SLC38A1: variants seen among roughly 807,000 people sequenced by gnomAD.
SLC38A1 encodes the protein sodium-coupled neutral amino acid symporter 1.
Under a neutral mutation model 60.3 loss-of-function variants are expected in SLC38A1, and 18 were observed. The ratio of observed to expected loss-of-function variants is 0.30; its 90% CI spans 0.21 to 0.44. The LOEUF is 0.44. Among genes scored for constraint, SLC38A1 ranks in the 20% least tolerant of loss-of-function variants. The pLI is 1.00. For synonymous variants in SLC38A1, 196 were observed against 212.1 expected (o/e 0.92, Z 0.66); for missense variants, 448 against 587.2 (o/e 0.76, Z 2.45).
chr12:46,225,302 C>T (rs182577410), intron 5 of SLC38A1, among the ~76,000 whole-genome samples: 39 of 152,252 alleles, frequency 2.6e-4, no homozygotes, highest in Non-Finnish European at 4.1e-4. Flanking sequence ...GCTAGATTCC[C>T]CAGACCAGGT....
intron 9 of SLC38A1, among the ~76,000 whole-genome samples, chr12:46,204,884 GA>G (rs1202619070): frequency 6.6e-6 from 1 of 152,180 alleles, no homozygotes; most frequent in Non-Finnish European, 1.5e-5. Flanking sequence ...CAGATTCCCA[GA>G]ATCCAGCAGA....
chr12:46,255,349 A>G (rs1592152424), intron 1 of SLC38A1, among the ~76,000 whole-genome samples: 2 of 152,344 alleles, frequency 1.3e-5, no homozygotes, highest in East Asian at 1.9e-4. Context: ...TTTTTCCTCT[A>G]AGAAAAACCT....
At position 46,203,003 on chromosome 12, in the gene SLC38A1, T is replaced by C. The variant is rs779974012; in HGVS notation, c.902+7A>G. Reference sequence around the variant, plus strand: ...GATTAAGATAAAAAATTAAACAAATTTCTTACTCTTTAAGCTCACTGTAAA... The same window carrying C: ...GATTAAGATAAAAAATTAAACAAATCTCTTACTCTTTAAGCTCACTGTAAA... On this transcript the variant is annotated splice_region_variant and intron_variant, in intron 12 of 16. Coordinates refer to ENST00000398637, the MANE Select transcript of SLC38A1 (RefSeq NM_030674.4). 6.2e-7 allele frequency: 1 copy of C among 1,607,980 alleles called. No homozygotes were observed. The highest frequency in any genetic ancestry group is 8.5e-7 in the Non-Finnish European group (1 of 1,176,274).
chr12:46,223,133 G>A (rs1336323393), intron 5 of SLC38A1, among the ~76,000 whole-genome samples: 2 of 152,278 alleles, frequency 1.3e-5, no homozygotes, highest in African/African-American at 4.8e-5. Context: ...CACCAAAGGC[G>A]GTATGGTGTT....
intron 1 of SLC38A1, among the ~76,000 whole-genome samples, chr12:46,246,903 A>G (rs962766271): frequency 1.3e-5 from 2 of 152,220 alleles, no homozygotes; most frequent in Non-Finnish European, 2.9e-5. Context: ...TCTGGAAAGA[A>G]CCTCCAGCAA....
intron 13 of SLC38A1, among the ~76,000 whole-genome samples, chr12:46,200,299 TGAG>T (rs1027880089): frequency 2.6e-5 from 4 of 152,124 alleles, no homozygotes; most frequent in African/African-American, 7.2e-5. Context: ...TGTTTAATTT[TGAG>T]ACATTTGTGT....
At chr12:46,207,086 A>G in intron 8 of SLC38A1, 69 bp downstream of exon 8, 2 of 1,072,114 alleles carry the variant, frequency 1.9e-6, no homozygotes, top group East Asian at 2.7e-5. Flanking sequence ...ACAAGCAAGA[A>G]TTTTGATTGG....
intron 2 of SLC38A1, among the ~76,000 whole-genome samples, chr12:46,241,205 T>C (rs961817376): frequency 6.6e-6 from 1 of 152,236 alleles, no homozygotes; most frequent in South Asian, 2.1e-4. Flanking sequence ...TTTTGAATTT[T>C]GTCTGATCCT....
intron 11 of SLC38A1, among the ~76,000 whole-genome samples, chr12:46,203,874 T>G (rs1459316208): frequency 6.6e-6 from 1 of 152,214 alleles, no homozygotes; most frequent in Non-Finnish European, 1.5e-5. Context: ...ATCCTCTGTT[T>G]CCCATTGTAT....
chr12:46,266,005 G>T (rs1260182237), intron 1 of SLC38A1, among the ~76,000 whole-genome samples: 2 of 152,214 alleles, frequency 1.3e-5, no homozygotes, highest in African/African-American at 4.8e-5. Flanking sequence ...ACTGCTCAAA[G>T]TGGGAAGGGC....
intron 1 of SLC38A1, among the ~76,000 whole-genome samples, chr12:46,249,863 A>C (rs1231535973): frequency 1.3e-5 from 2 of 152,216 alleles, no homozygotes; most frequent in Non-Finnish European, 2.9e-5. Flanking sequence ...ACCAAGTAAA[A>C]GAAGTCCAGG....
At chr12:46,227,224 A>G (rs1940902779) in intron 5 of SLC38A1, among the ~76,000 whole-genome samples, 1 of 152,228 alleles carries the variant, frequency 6.6e-6, no homozygotes, top group South Asian at 2.1e-4. Flanking sequence ...AATCAAAGGT[A>G]AAAGTAGAAT....
At chr12:46,236,228 G>T (rs1255021688) in intron 3 of SLC38A1, among the ~76,000 whole-genome samples, 1 of 152,014 alleles carries the variant, frequency 6.6e-6, no homozygotes, top group Non-Finnish European at 1.5e-5. Context: ...TTATGCCAGG[G>T]GTTGCAATTT....
chr12:46,237,010 A>G (rs1158852463), intron 3 of SLC38A1, among the ~76,000 whole-genome samples: 1 of 152,268 alleles, frequency 6.6e-6, no homozygotes, highest in Non-Finnish European at 1.5e-5. Flanking sequence ...CTGAACTGGA[A>G]TAACGGCAGA....
chr12:46,244,346 A>AC (rs1257223940), intron 1 of SLC38A1, among the ~76,000 whole-genome samples: 1 of 152,196 alleles, frequency 6.6e-6, no homozygotes, highest in East Asian at 1.9e-4. Context: ...CTAATTGCTA[A>AC]CACTTTGTGG....
rs76861520 is a variant in SLC38A1, at chr12:46,259,447, A to G, written c.-209+9079T>C. Among the ~76,000 whole-genome samples the G allele has an allele frequency of 8.6e-3, 1,310 of 152,354 alleles. 26 individuals are homozygous for G. The highest frequency in any genetic ancestry group is 0.03 in the African/African-American group (1,255 of 41,572). On this transcript the variant is annotated intron_variant, in intron 1 of 16. Transcript: ENST00000398637. Reference sequence around the variant, plus strand: ...TCCTAAATTTGATTGGCAATTTTATATACCTTTGAGTAATAAAAATGGGAA... The same window carrying G: ...TCCTAAATTTGATTGGCAATTTTATGTACCTTTGAGTAATAAAAATGGGAA...
chr12:46,203,462 C>T (rs1405760154), intron 11 of SLC38A1, among the ~76,000 whole-genome samples: 3 of 152,188 alleles, frequency 2.0e-5, no homozygotes, highest in African/African-American at 7.2e-5. Context: ...TCTCCTGGCT[C>T]CCTCCAACAG....
chr12:46,198,581 C>A, intron 14 of SLC38A1, 44 bp downstream of exon 14: 1 of 1,349,072 alleles, frequency 7.4e-7, no homozygotes, highest in Non-Finnish European at 1.0e-6. Context: ...GAAGGAAAGC[C>A]GAGACCTCAG....
At chr12:46,232,002 T>C (rs1045862485) in intron 3 of SLC38A1, among the ~76,000 whole-genome samples, 12 of 152,238 alleles carry the variant, frequency 7.9e-5, no homozygotes, top group Non-Finnish European at 1.8e-4. Context: ...TTTTATTCAT[T>C]GACGTTTTTC....
Sources: allele counts gnomAD v4.1 joint callset (sites outside exome capture counted in the v4.1 genomes callset), GRCh38; gene constraint gnomAD v4.1.1; transcripts MANE v1.5; gene names NCBI Gene and HGNC (gene_info 2026-07-23, HGNC 2026-07-21).